Variants in FOXO1 observed in about 807,000 individuals in gnomAD.
FOXO1 encodes the protein forkhead box O1, also known as forkhead box protein O1.
In FOXO1, 6 loss-of-function variants were observed where a neutral mutation model predicts 44.1. That is an observed-to-expected ratio of 0.14 (90% CI 0.07 to 0.27). The LOEUF (loss-of-function observed/expected upper bound fraction) is 0.27. Ranked by LOEUF, FOXO1 falls within the 10% of genes least tolerant of loss-of-function variation. FOXO1 has a pLI of 1.00. For missense variants in FOXO1, 737 were observed against 888.8 expected, an observed-to-expected ratio of 0.83 and a Z score of 2.17; for synonymous variants, 380 against 362.7, an observed-to-expected ratio of 1.05 and a Z score of -0.54.
chr13:40,654,982 T>TA (rs1877810530), intron 1 of FOXO1, among the ~76,000 whole-genome samples: 1 of 152,114 alleles, frequency 6.6e-6, no homozygotes, highest in Non-Finnish European at 1.5e-5. Flanking sequence ...TATCTTTACT[T>TA]ACAAAAATTA....
chr13:40,610,922 C>T, intron 1 of FOXO1: 1 of 331,696 alleles, frequency 3.0e-6, no homozygotes, highest in Non-Finnish European at 6.1e-6. Context: ...AAAAGACAGC[C>T]AAAATCTTCT....
chr13:40,609,570 G>C (rs1015554493), intron 1 of FOXO1, among the ~76,000 whole-genome samples: 1 of 152,144 alleles, frequency 6.6e-6, no homozygotes, highest in African/African-American at 2.4e-5. Context: ...CTGGACTGTA[G>C]ATAATTAGGA....
Position 40,560,671 on chromosome 13 carries a change from T to C in FOXO1, c.820A>G (p.Lys274Glu), listed in dbSNP as rs1174801595. 6.2e-7 allele frequency: 1 copy of C among 1,614,242 alleles called. No individual in the cohort carries two copies. Among genetic ancestry groups the C allele is most frequent in the Non-Finnish European group, 8.5e-7 (1 of 1,180,046 alleles). Reference sequence around the variant, plus strand: ...TCCTGGCCAGACTGGAGAGATGCTTTCTTCTTGGCAGCTCGGCTTCGGCTC... The same window carrying C: ...TCCTGGCCAGACTGGAGAGATGCTTCCTTCTTGGCAGCTCGGCTTCGGCTC... ...AKSRSRAAKK[K>E]ASLQSGQEGA... Residue 274 changes from lysine (K) to glutamate (E), a missense_variant, in exon 2 of 3, where the codon AAA becomes GAA. By Grantham distance (56) the Lys-to-Glu change is moderately conservative. Around this residue, in one of 7 missense-constraint regions of FOXO1, gnomAD observed 136 missense variants for 186.4 expected, o/e 0.73. Transcript: ENST00000379561. The surrounding 1 kb of genome is among the most constrained non-coding windows in gnomAD (Gnocchi z 5.1).
chr13:40,615,783 G>T (rs181321629), intron 1 of FOXO1, among the ~76,000 whole-genome samples: 2 of 152,288 alleles, frequency 1.3e-5, no homozygotes, highest in East Asian at 3.9e-4. Context: ...GATGCATGGC[G>T]TGAAAGGAGG....
chr13:40,661,129 T>C (rs1373149636), intron 1 of FOXO1, among the ~76,000 whole-genome samples: 1 of 152,248 alleles, frequency 6.6e-6, no homozygotes, highest in Non-Finnish European at 1.5e-5. Flanking sequence ...TTGGAATTTC[T>C]GAACAAAATG....
intron 1 of FOXO1, among the ~76,000 whole-genome samples, chr13:40,609,341 A>C (rs981156015): frequency 2.0e-5 from 3 of 152,114 alleles, no homozygotes; most frequent in African/African-American, 7.2e-5. Flanking sequence ...CTGTTTTACA[A>C]AGGAGAGGCA....
intron 1 of FOXO1, chr13:40,610,918 C>A: frequency 3.1e-6 from 1 of 327,766 alleles, no homozygotes; most frequent in Non-Finnish European, 6.1e-6. Flanking sequence ...TGTTAAAAGA[C>A]AGCCAAAATC....
At chr13:40,607,426 T>C (rs1876046652) in intron 1 of FOXO1, among the ~76,000 whole-genome samples, 2 of 150,782 alleles carry the variant, frequency 1.3e-5, no homozygotes, top group Non-Finnish European at 1.5e-5. Flanking sequence ...ACTTTCAGGC[T>C]AGGGAATTGT....
At chr13:40,642,448 T>C in intron 1 of FOXO1, among the ~76,000 whole-genome samples, 1 of 152,232 alleles carries the variant, frequency 6.6e-6, no homozygotes, top group East Asian at 1.9e-4. Context: ...CACATATAAA[T>C]GTAAATTTCA....
chr13:40,599,013 C>A (rs976574015), intron 1 of FOXO1, among the ~76,000 whole-genome samples: 1 of 151,744 alleles, frequency 6.6e-6, no homozygotes, highest in African/African-American at 2.4e-5. Flanking sequence ...AGATAAAGTT[C>A]TTTTTGATAT....
chr13:40,593,670 T>A (rs920959495), intron 1 of FOXO1, among the ~76,000 whole-genome samples: 2 of 152,120 alleles, frequency 1.3e-5, no homozygotes, highest in African/African-American at 2.4e-5. Flanking sequence ...GGAAAAAAAA[T>A]AGTTTTATTG....
At chr13:40,574,893 A>C (rs1419953279) in intron 1 of FOXO1, among the ~76,000 whole-genome samples, 1 of 152,362 alleles carries the variant, frequency 6.6e-6, no homozygotes, top group Admixed American at 6.5e-5. Flanking sequence ...CAAACCTAGA[A>C]AACTCTTTTA....
chr13:40,637,944 G>C (rs935309698), intron 1 of FOXO1, among the ~76,000 whole-genome samples: 1 of 152,208 alleles, frequency 6.6e-6, no homozygotes, highest in Non-Finnish European at 1.5e-5. Flanking sequence ...CTGTATTACA[G>C]ATGAGACTAA....
chr13:40,559,879 G>C lies in FOXO1; in HGVS notation c.1612C>G (p.Pro538Ala). 1 of 1,614,178 alleles carries C rather than the reference G, an allele frequency of 6.2e-7. No individual in the cohort carries two copies. The highest frequency in any genetic ancestry group is 8.5e-7 in the Non-Finnish European group (1 of 1,180,030). Residue 538 changes from proline (P) to alanine (A), a missense_variant, in exon 2 of 3, where the codon CCC becomes GCC. Physicochemically the swap from Pro to Ala is conservative, Grantham distance 27. This residue lies in a region of FOXO1 where 283 missense variants were observed against 278.1 expected (regional missense o/e 1.02). Transcript: ENST00000379561. The part of the protein sequence containing the change: ...AQQTSAVNGR[P>A]LPHTVSTMPH... ...ATGGTGCTTACCGTGTGGGGCAGGG[G>C]ACGCCCGTTAACTGCAGATGTCTGC...
intron 2 of FOXO1, 46 bp downstream of exon 2, chr13:40,559,463 T>C: frequency 1.3e-6 from 2 of 1,508,324 alleles, no homozygotes; most frequent in Admixed American, 4.4e-5. Context: ...TCCTCGCTTT[T>C]AAGTTCTATT....
At chr13:40,664,623 G>A (rs1218544675) in intron 1 of FOXO1, among the ~76,000 whole-genome samples, 1 of 152,116 alleles carries the variant, frequency 6.6e-6, no homozygotes, top group Admixed American at 6.5e-5. Flanking sequence ...GGCAGGAAAA[G>A]ACTCACACAT....
intron 1 of FOXO1, among the ~76,000 whole-genome samples, chr13:40,631,039 G>A (rs978204119): frequency 7.2e-5 from 11 of 152,090 alleles, no homozygotes; most frequent in Non-Finnish European, 1.6e-4. Context: ...GAATAAAGCC[G>A]TTATGACCAA....
intron 1 of FOXO1, among the ~76,000 whole-genome samples, chr13:40,571,519 C>T (rs1174372825): frequency 6.6e-6 from 1 of 152,152 alleles, no homozygotes; most frequent in East Asian, 1.9e-4. Context: ...CCCAGGGAGG[C>T]ACAGAGGCCA....
intron 1 of FOXO1, among the ~76,000 whole-genome samples, chr13:40,641,184 G>A (rs1034156035): frequency 6.6e-6 from 1 of 152,136 alleles, no homozygotes; most frequent in African/African-American, 2.4e-5. Context: ...TAGGCAGTAT[G>A]TGTAGGGGGT....
Sources: allele counts gnomAD v4.1 joint callset (sites outside exome capture counted in the v4.1 genomes callset), GRCh38; gene constraint gnomAD v4.1.1; regional missense constraint gnomAD v4.1.1; non-coding constraint Gnocchi (gnomAD v3.1); transcripts MANE v1.5; gene names NCBI Gene and HGNC (gene_info 2026-07-23, HGNC 2026-07-21).